RFX3: variants seen among roughly 807,000 people sequenced by gnomAD.
RFX3 encodes the protein transcription factor RFX3.
In RFX3, 14 loss-of-function variants were observed where a neutral mutation model predicts 98.6. That is an observed-to-expected ratio of 0.14 (90% CI 0.09 to 0.22). The LOEUF (loss-of-function observed/expected upper bound fraction) is 0.22, where lower values mean the gene tolerates loss of function less well. Ranked by LOEUF, RFX3 falls within the 10% of genes least tolerant of loss-of-function variation. The pLI is 1.00. For missense variants in RFX3, 639 were observed against 926.9 expected, an observed-to-expected ratio of 0.69 and a Z score of 4.03; for synonymous variants, 383 against 328.4, an observed-to-expected ratio of 1.17 and a Z score of -1.80.
At chr9:3,489,086 C>T (rs1332187455) in intron 1 of RFX3, among the ~76,000 whole-genome samples, 1 of 151,358 alleles carries the variant, frequency 6.6e-6, no homozygotes, top group Non-Finnish European at 1.5e-5. Context: ...ATTATACATG[C>T]TTAAAAAAAA....
Position 3,248,149 on chromosome 9 carries a change from A to G in RFX3, c.1851T>C (p.Ala617=). ...TCAGGTGGAAGGAGCCAAAGCTAGC[A>G]GCACTGCGTAAGGTTAAGTCCCGAA... The part of the protein sequence containing the change: ...MVIRDLTLRS[A]ASFGSFHLIR... Residue 617 remains alanine (A), a synonymous_variant, in exon 15 of 17, where the codon GCT becomes GCC. Transcript: ENST00000617270. 6.2e-7 allele frequency: 1 copy of G among 1,613,596 alleles called. No individual in the cohort carries two copies. Among genetic ancestry groups the G allele is most frequent in the South Asian group, 1.1e-5 (1 of 91,068 alleles).
At chr9:3,475,281 T>C (rs978199578) in intron 1 of RFX3, among the ~76,000 whole-genome samples, 2 of 151,124 alleles carry the variant, frequency 1.3e-5, no homozygotes, top group African/African-American at 4.9e-5. Flanking sequence ...ATTGTAGAAA[T>C]AAAGACACAA....
chr9:3,439,770 A>T (rs1845465303), intron 1 of RFX3, among the ~76,000 whole-genome samples: 1 of 151,998 alleles, frequency 6.6e-6, no homozygotes, highest in African/African-American at 2.4e-5. Flanking sequence ...ATACTTCCCA[A>T]CCTAGGCTAT....
intron 7 of RFX3, among the ~76,000 whole-genome samples, chr9:3,279,912 C>G (rs572806246): frequency 6.6e-6 from 1 of 151,826 alleles, no homozygotes; most frequent in Non-Finnish European, 1.5e-5. Flanking sequence ...ATGAAAAATG[C>G]ATCAAGATCA....
At position 3,377,553 on chromosome 9, in the gene RFX3, G is replaced by A. The variant is rs150238329; in HGVS notation, c.117+17919C>T. On this transcript the variant is annotated intron_variant, in intron 2 of 16. Coordinates refer to ENST00000617270, the MANE Select transcript of RFX3 (RefSeq NM_001282116.2). ...GTATACATATGTAACAAAACTGCAC[G>A]CCGTGCACATGTACCCTAGAACTTA... Among the ~76,000 whole-genome samples, 451 of 152,096 alleles carry A rather than the reference G, an allele frequency of 3.0e-3. 2 individuals are homozygous for A. Among genetic ancestry groups the A allele is most frequent in the African/African-American group, 0.01 (430 of 41,470 alleles).
chr9:3,505,442 TA>T (rs376168530), intron 1 of RFX3, among the ~76,000 whole-genome samples: 59 of 748 alleles, frequency 0.079, 1 homozygote, highest in African/African-American at 0.11. Context: ...AAATATTTTA[TA>T]TTTATATAAA....
chr9:3,404,356 T>C (rs1014477092), intron 1 of RFX3, among the ~76,000 whole-genome samples: 3 of 152,174 alleles, frequency 2.0e-5, no homozygotes, highest in Non-Finnish European at 2.9e-5. Context: ...TTAAAGACTA[T>C]AGCCAATACT....
intron 13 of RFX3, among the ~76,000 whole-genome samples, chr9:3,261,611 C>G (rs1186777516): frequency 6.6e-6 from 1 of 152,056 alleles, no homozygotes; most frequent in African/African-American, 2.4e-5. Context: ...TTATGAACCT[C>G]TATGTATAAG....
intron 2 of RFX3, among the ~76,000 whole-genome samples, chr9:3,384,998 T>G (rs1206047131): frequency 6.6e-6 from 1 of 152,180 alleles, no homozygotes; most frequent in African/African-American, 2.4e-5. Context: ...ATACTATAAA[T>G]GACAATTTTG....
chr9:3,341,294 A>T (rs1401997220), intron 3 of RFX3, among the ~76,000 whole-genome samples: 1 of 151,854 alleles, frequency 6.6e-6, no homozygotes, highest in Non-Finnish European at 1.5e-5. Context: ...TAGGAGATAT[A>T]CCTAATGCTA....
intron 1 of RFX3, among the ~76,000 whole-genome samples, chr9:3,473,266 T>G (rs375981663): frequency 3.9e-5 from 6 of 152,326 alleles, no homozygotes; most frequent in African/African-American, 1.4e-4. Flanking sequence ...ACTTCAAGTA[T>G]TAGCTGCTAC....
At chr9:3,472,029 G>A (rs972130199) in intron 1 of RFX3, among the ~76,000 whole-genome samples, 5 of 152,076 alleles carry the variant, frequency 3.3e-5, no homozygotes, top group African/African-American at 1.2e-4. Context: ...GACACAGAAG[G>A]GTCTTTTTTT....
intron 1 of RFX3, among the ~76,000 whole-genome samples, chr9:3,464,026 C>A (rs1847967336): frequency 6.6e-6 from 1 of 151,904 alleles, no homozygotes; most frequent in Non-Finnish European, 1.5e-5. Context: ...TGACCAAAAA[C>A]TACATGAAAA....
chr9:3,392,034 C>T (rs548515246), intron 2 of RFX3, among the ~76,000 whole-genome samples: 1 of 152,264 alleles, frequency 6.6e-6, no homozygotes, highest in South Asian at 2.1e-4. Flanking sequence ...GGAAGTTGGA[C>T]AAGTCTTCTT....
At chr9:3,492,344 G>A (rs908222169) in intron 1 of RFX3, among the ~76,000 whole-genome samples, 4 of 152,162 alleles carry the variant, frequency 2.6e-5, no homozygotes, top group Middle Eastern at 3.2e-3. Flanking sequence ...GTCCCTTCCA[G>A]CACAACCGTG....
chr9:3,360,158 A>G (rs1364742591), intron 2 of RFX3, among the ~76,000 whole-genome samples: 1 of 152,168 alleles, frequency 6.6e-6, no homozygotes, highest in Non-Finnish European at 1.5e-5. Flanking sequence ...AGAAGAGATA[A>G]TTAAATAAAC....
chr9:3,496,561 T>C (rs1851123942), intron 1 of RFX3, among the ~76,000 whole-genome samples: 1 of 152,002 alleles, frequency 6.6e-6, no homozygotes, highest in Admixed American at 6.6e-5. Flanking sequence ...ATAAGAATAC[T>C]AGCTTCCACA....
intron 1 of RFX3, among the ~76,000 whole-genome samples, chr9:3,428,010 C>G (rs926689112): frequency 2.6e-5 from 4 of 152,016 alleles, no homozygotes; most frequent in Non-Finnish European, 5.9e-5. Flanking sequence ...GAAAATGTCC[C>G]TAGGCAGAAA....
At chr9:3,372,558 T>TG (rs1837980128) in intron 2 of RFX3, among the ~76,000 whole-genome samples, 1 of 150,536 alleles carries the variant, frequency 6.6e-6, no homozygotes, top group African/African-American at 2.4e-5. Context: ...TTCTTTTTTT[T>TG]TTTTTTTGAG....
Sources: gnomAD v4.1 joint callset for allele counts (sites outside exome capture counted in the v4.1 genomes callset) on GRCh38, gnomAD v4.1.1 for gene constraint, MANE v1.5 for transcripts, NCBI Gene and HGNC (gene_info 2026-07-23, HGNC 2026-07-21) for gene names.